ZNF254: variants seen among roughly 807,000 people sequenced by gnomAD.
ZNF254 encodes CTD-2017D11.1.
Under a neutral mutation model 12.4 loss-of-function variants are expected in ZNF254, and 10 were observed. The observed-to-expected ratio is 0.80, with a 90% CI of 0.50 to 1.36. ZNF254 has a LOEUF of 1.36. Ranked by LOEUF, ZNF254 falls within the 40% of genes most tolerant of loss-of-function variation. The pLI is 0.00. For synonymous variants in ZNF254, 305 were observed against 253.4 expected, an observed-to-expected ratio of 1.20 and a Z score of -1.93; for missense variants, 996 against 763.9, an observed-to-expected ratio of 1.30 and a Z score of -3.58.
chr19:24,042,624 G>C (rs908938724), intron 1 of ZNF254, among the ~76,000 whole-genome samples: 3 of 151,938 alleles, frequency 2.0e-5, no homozygotes, highest in Non-Finnish European at 4.4e-5. Flanking sequence ...CTTAAGAGCT[G>C]TAACACTCAC....
At chr19:24,056,070 T>C (rs1248472443) in intron 2 of ZNF254, among the ~76,000 whole-genome samples, 1 of 152,142 alleles carries the variant, frequency 6.6e-6, no homozygotes, top group East Asian at 1.9e-4. Context: ...GGGATGTGAT[T>C]CTATTTTTCT....
At chr19:24,045,637 C>A (rs1970351962) in intron 1 of ZNF254, among the ~76,000 whole-genome samples, 1 of 144,962 alleles carries the variant, frequency 6.9e-6, no homozygotes, top group Admixed American at 7.1e-5. Context: ...CACTGCACTC[C>A]AGCCTGGGTG....
rs146126200 is a variant in ZNF254 at position 24,052,262 on chromosome 19, C to G, written c.-94+5983C>G. On this transcript the variant is annotated intron_variant, in intron 2 of 4. Coordinates refer to the ZNF254 transcript ENST00000613065. ...GCCTGGATTCAACACCTAGGTGATACAACTTTATGGCAGGGGAACCACCCA... is the reference window on the plus strand; with the variant it reads ...GCCTGGATTCAACACCTAGGTGATAGAACTTTATGGCAGGGGAACCACCCA... 1.7e-4 allele frequency among the ~76,000 whole-genome samples: 26 copies of G among 152,360 alleles called. No homozygotes were observed. In the East Asian group the frequency reaches 5.0e-3, roughly 29 times the overall value.
rs747672484 is a variant in ZNF254 at position 24,129,336 on chromosome 19, T to G, written c.*1356T>G. On this transcript the variant is annotated 3_prime_UTR_variant, in exon 4 of 4. Transcript: ENST00000357002. The stretch of plus-strand genomic sequence containing the variant: ...TTTTCAATTCAACATTTTTAACATA[T>G]TAAATACTATTGTGAATTCAATGAA... 3.9e-5 allele frequency: 6 copies of G among 152,064 alleles called. No homozygotes were observed. The highest frequency in any genetic ancestry group is 8.8e-5 in the Non-Finnish European group (6 of 67,922). 9.4% of individuals were successfully genotyped at this position (152,064 alleles called of 1,614,324 possible).
chr19:24,117,517 G>A lies in ZNF254; in HGVS notation c.254-8737G>A, dbSNP rs146767066. 2.3e-3 allele frequency among the ~76,000 whole-genome samples: 349 copies of A among 152,288 alleles called. 2 individuals are homozygous for A. The highest frequency in any genetic ancestry group is 8.0e-3 in the African/African-American group (333 of 41,584). On this transcript the variant is annotated intron_variant, in intron 3 of 3. Coordinates refer to ENST00000357002, the MANE Select transcript of ZNF254 (RefSeq NM_203282.4). ...CCGAGCCAGGTGCAGGATATAATCT[G>A]CTGTTGTGCGGTTATTTAAGCCCGT...
chr19:24,107,571 G>T (rs1188464718), intron 3 of ZNF254, among the ~76,000 whole-genome samples: 1 of 151,832 alleles, frequency 6.6e-6, no homozygotes, highest in Non-Finnish European at 1.5e-5. Context: ...ATTTAAACAG[G>T]TTTTAATGTA....
chr19:24,075,518 C>T (rs920935165), intron 2 of ZNF254, among the ~76,000 whole-genome samples: 13 of 152,066 alleles, frequency 8.5e-5, no homozygotes, highest in African/African-American at 2.4e-4. Flanking sequence ...TAGCGATTTT[C>T]GAAGGGGAGG....
chr19:24,108,875 G>A (rs903702362), intron 3 of ZNF254, among the ~76,000 whole-genome samples: 1 of 152,200 alleles, frequency 6.6e-6, no homozygotes, highest in South Asian at 2.1e-4. Flanking sequence ...GAATTATAGA[G>A]CCAGGCGCGG....
chr19:24,112,811 G>C (rs994027246), intron 3 of ZNF254, among the ~76,000 whole-genome samples: 1 of 151,948 alleles, frequency 6.6e-6, no homozygotes, highest in Non-Finnish European at 1.5e-5. Flanking sequence ...AAACATAGAA[G>C]AATCAAATAG....
At chr19:24,087,020 C>G, upstream of ZNF254, 1 of 398,238 alleles carries the variant, frequency 2.5e-6, no homozygotes, top group Admixed American at 3.7e-5. Flanking sequence ...AAGGCTGCAG[C>G]TTAGGCTGTC....
intron 2 of ZNF254, among the ~76,000 whole-genome samples, chr19:24,072,937 C>T (rs1391152197): frequency 3.3e-5 from 5 of 152,256 alleles, no homozygotes; most frequent in Admixed American, 1.3e-4. Flanking sequence ...TGACATATAC[C>T]TTAGCCAAGC....
At chr19:24,077,331 CTG>C (rs998072080) in intron 2 of ZNF254, among the ~76,000 whole-genome samples, 88 of 152,314 alleles carry the variant, frequency 5.8e-4, no homozygotes, top group African/African-American at 1.9e-3. Context: ...CCTCCTGAGG[CTG>C]TGTCACAGGC....
upstream of ZNF254, among the ~76,000 whole-genome samples, chr19:24,085,035 C>A (rs1034224227): frequency 4.0e-5 from 6 of 150,134 alleles, no homozygotes; most frequent in Admixed American, 6.7e-5. Flanking sequence ...CAGGTTCAAG[C>A]GATTCTCCTG....
chr19:24,115,118 G>A lies in ZNF254; in HGVS notation c.253+8475G>A, dbSNP rs527465326. 2.7e-4 allele frequency among the ~76,000 whole-genome samples: 41 copies of A among 152,246 alleles called. 1 individual carries two copies. In the South Asian group the frequency reaches 3.5e-3, roughly 13 times the overall value. On this transcript the variant is annotated intron_variant, in intron 3 of 3. Transcript: ENST00000357002. ...CAACCATTGTGGAAGTCAGTGTGGC[G>A]ATTCCTCAGGGATCTAGAACTAGAA... is the stretch of plus-strand genomic sequence containing the variant.
chr19:24,076,785 A>G (rs1352722758), intron 2 of ZNF254, among the ~76,000 whole-genome samples: 1 of 152,240 alleles, frequency 6.6e-6, no homozygotes, highest in Admixed American at 6.5e-5. Context: ...TCAAGTTTAA[A>G]TAGATACGCT....
At chr19:24,113,733 G>T (rs575098874) in intron 3 of ZNF254, among the ~76,000 whole-genome samples, 252 of 152,290 alleles carry the variant, frequency 1.7e-3, no homozygotes, top group Non-Finnish European at 2.4e-3. Flanking sequence ...TAGGAAAAGA[G>T]GAAGTCAAAT....
intron 3 of ZNF254, among the ~76,000 whole-genome samples, chr19:24,118,215 G>A (rs1974239517): frequency 1.3e-5 from 2 of 151,706 alleles, no homozygotes. Context: ...CACCACATCT[G>A]GCTAATTTTT....
rs1973017616 is a variant in ZNF254 at position 24,101,410 on chromosome 19, G to T, written c.31-4530G>T. ...GACATTTTAGATCCCTCCTTTGAGA[G>T]TGTGGCTCTTTGACCTTTTCACATC... On this transcript the variant is annotated intron_variant, in intron 1 of 3. Coordinates refer to ENST00000357002, the MANE Select transcript of ZNF254 (RefSeq NM_203282.4). Among the ~76,000 whole-genome samples the T allele has an allele frequency of 2.0e-5, 3 of 152,268 alleles. No homozygotes were observed. In the South Asian group the frequency reaches 6.2e-4, roughly 32 times the overall value.
chr19:24,100,231 A>G (rs1422020308), intron 1 of ZNF254, among the ~76,000 whole-genome samples: 1 of 152,062 alleles, frequency 6.6e-6, no homozygotes, highest in Non-Finnish European at 1.5e-5. Context: ...AATCAGAGTA[A>G]CAGTGTGCAT....
Sources: gnomAD v4.1 joint callset for allele counts (sites outside exome capture counted in the v4.1 genomes callset) on GRCh38, gnomAD v4.1.1 for gene constraint, MANE v1.5 for transcripts, NCBI Gene and HGNC (gene_info 2026-07-23, HGNC 2026-07-21) for gene names.